RANBP2: variants seen among roughly 807,000 people sequenced by gnomAD.
RANBP2 encodes the protein RAN binding protein 2.
Under a neutral mutation model 303.6 loss-of-function variants are expected in RANBP2, and 57 were observed. The ratio of observed to expected loss-of-function variants is 0.19; its 90% CI spans 0.15 to 0.23. The LOEUF (loss-of-function observed/expected upper bound fraction) is 0.23, where lower values mean the gene tolerates loss of function less well. RANBP2 is among the 10% of genes least tolerant of loss of function. The pLI, the probability that RANBP2 is intolerant of heterozygous loss-of-function variation, is 1.00. For missense variants in RANBP2, 3,138 were observed against 3,780.8 expected, an observed-to-expected ratio of 0.83 and a Z score of 4.46; for synonymous variants, 1,167 against 1,301.5, an observed-to-expected ratio of 0.90 and a Z score of 2.23.
the RANBP2 span, among the ~76,000 whole-genome samples, chr2:109,569,482 A>AT: frequency 1.3e-5 from 2 of 151,588 alleles, no homozygotes; most frequent in South Asian, 2.1e-4. Context: ...CCTATTCTAA[A>AT]TTTTTTTATC....
rs1032525118 is a variant in RANBP2, at chr2:108,752,119, T to A, written c.1755+125T>A. 4 of 1,548,456 alleles carry A rather than the reference T, an allele frequency of 2.6e-6. No homozygotes were observed. In the African/African-American group the frequency reaches 5.6e-5, roughly 21 times the overall value. On this transcript the variant is annotated intron_variant, in intron 12 of 28. Transcript: ENST00000283195. ...TGGTCACATTATGACAGATGTGTTT[T>A]TTATTGCTGCAAAATAGTTAATGTA...
the RANBP2 span, chr2:109,615,893 A>G: frequency 6.2e-7 from 1 of 1,612,940 alleles, no homozygotes; most frequent in South Asian, 1.1e-5. Context: ...GTGGACGTAT[A>G]AAACCCAGAC....
the RANBP2 span, among the ~76,000 whole-genome samples, chr2:109,115,729 T>C: frequency 1.3e-5 from 2 of 152,162 alleles, no homozygotes; most frequent in African/African-American, 4.8e-5. Context: ...CTAGCCTTGA[T>C]GGTCTTTACA....
chr2:109,388,824 CAG>C, the RANBP2 span, among the ~76,000 whole-genome samples: 2 of 117,374 alleles, frequency 1.7e-5, no homozygotes, highest in African/African-American at 6.9e-5. Context: ...TCTGGGATGT[CAG>C]AGAGAGACTA....
the RANBP2 span, among the ~76,000 whole-genome samples, chr2:109,033,779 C>T: frequency 6.6e-6 from 1 of 150,654 alleles, no homozygotes; most frequent in African/African-American, 2.4e-5. Context: ...ATGGTGAAAC[C>T]CCGTCTCTAC....
the RANBP2 span, among the ~76,000 whole-genome samples, chr2:109,642,811 T>G: frequency 2.0e-5 from 3 of 152,188 alleles, no homozygotes; most frequent in African/African-American, 7.2e-5. Context: ...GACTGAATGC[T>G]TGGTTCCAGC....
chr2:108,912,115 G>A, the RANBP2 span, among the ~76,000 whole-genome samples: 5 of 152,142 alleles, frequency 3.3e-5, no homozygotes, highest in African/African-American at 9.7e-5. Flanking sequence ...GGTACCTCAC[G>A]GCTCGCTGAG....
chr2:109,533,990 CAGGGCAGCGCT>C, the RANBP2 span, among the ~76,000 whole-genome samples: 1 of 152,192 alleles, frequency 6.6e-6, no homozygotes, highest in Non-Finnish European at 1.5e-5. Flanking sequence ...GGGAGGAGCC[CAGGGCAGCGCT>C]GCACAGTGCC....
At chr2:109,622,774 C>T in the RANBP2 span, among the ~76,000 whole-genome samples, 9 of 152,274 alleles carry the variant, frequency 5.9e-5, no homozygotes, top group South Asian at 4.2e-4. Flanking sequence ...ACCAGCAACA[C>T]GGCATCTGGT....
At chr2:108,735,403 T>C in intron 4 of RANBP2, 129 bp from the exon 5 acceptor site, 4 of 1,559,478 alleles carry the variant, frequency 2.6e-6, no homozygotes, top group South Asian at 2.2e-5. Flanking sequence ...GAATAAGGTA[T>C]ATAGGATGGT....
chr2:109,524,180 T>C, the RANBP2 span, among the ~76,000 whole-genome samples: 1 of 152,018 alleles, frequency 6.6e-6, no homozygotes, highest in East Asian at 1.9e-4. Flanking sequence ...ATTGCACAAA[T>C]AAAAACTCAG....
At chr2:109,038,669 G>A in the RANBP2 span, among the ~76,000 whole-genome samples, 1 of 152,054 alleles carries the variant, frequency 6.6e-6, no homozygotes, top group Non-Finnish European at 1.5e-5. Context: ...AAGAACTTTC[G>A]AAATTCAAGA....
intron 17 of RANBP2, 61 bp from the exon 18 acceptor site, chr2:108,758,352 C>T: frequency 6.2e-7 from 1 of 1,603,650 alleles, no homozygotes. Flanking sequence ...TTCCCCAGCA[C>T]TGTTTCTGTC....
At chr2:109,426,045 A>C in the RANBP2 span, among the ~76,000 whole-genome samples, 2 of 152,092 alleles carry the variant, frequency 1.3e-5, no homozygotes, top group Non-Finnish European at 2.9e-5. Context: ...TTACAGGCGC[A>C]TGCCACCACG....
At chr2:109,161,532 T>G in the RANBP2 span, among the ~76,000 whole-genome samples, 2 of 151,604 alleles carry the variant, frequency 1.3e-5, no homozygotes, top group African/African-American at 4.9e-5. Context: ...GGGGAACATG[T>G]CTTAGTCTAG....
chr2:109,689,808 C>T, the RANBP2 span, among the ~76,000 whole-genome samples: 1 of 152,116 alleles, frequency 6.6e-6, no homozygotes, highest in Non-Finnish European at 1.5e-5. Flanking sequence ...AAATACTGCT[C>T]TTTTGTTAAG....
the RANBP2 span, among the ~76,000 whole-genome samples, chr2:109,156,908 A>G: frequency 6.6e-6 from 1 of 152,202 alleles, no homozygotes; most frequent in Non-Finnish European, 1.5e-5. Flanking sequence ...GAGGCAGTTA[A>G]TGCTTTCTTT....
At chr2:109,642,212 TGCACCTGGC>T in the RANBP2 span, among the ~76,000 whole-genome samples, 5 of 152,158 alleles carry the variant, frequency 3.3e-5, no homozygotes, top group African/African-American at 1.2e-4. Flanking sequence ...TGTGAGCCAC[TGCACCTGGC>T]TGCTTTCAGC....
At position 108,753,923 on chromosome 2, in the gene RANBP2, A is replaced by C. The variant is rs1676104205; in HGVS notation, c.2154A>C (p.Leu718=). 6.2e-7 allele frequency: 1 copy of C among 1,611,916 alleles called. No individual in the cohort carries two copies. The highest frequency in any genetic ancestry group is 2.2e-5 in the East Asian group (1 of 44,878). The change falls in exon 15 of 29, where the codon CTA becomes CTC. Residue 718 remains leucine (L), a synonymous_variant. Transcript: ENST00000283195. ...KNYLRKTRDY[L]IKIIDDSDSN... ...ATCTGAGAAAGACCAGGGACTACCT[A>C]ATAAAGATTATAGATGACAGTGATT...
Sources: gnomAD v4.1 joint callset for allele counts (sites outside exome capture counted in the v4.1 genomes callset) on GRCh38, gnomAD v4.1.1 for gene constraint, MANE v1.5 for transcripts, NCBI Gene and HGNC (gene_info 2026-07-23, HGNC 2026-07-21) for gene names.